OPCML: variants seen among roughly 807,000 people sequenced by gnomAD.
OPCML encodes opioid-binding protein/cell adhesion molecule.
Under a neutral mutation model 37.8 loss-of-function variants are expected in OPCML, and 13 were observed. The observed-to-expected ratio is 0.34, with a 90% confidence interval of 0.22 to 0.55. The LOEUF is 0.55. Among genes scored for constraint, OPCML ranks in the 20% least tolerant of loss-of-function variants. The probability of loss-of-function intolerance (pLI) is 0.91; values close to 1 mark genes in which losing one functional copy is unlikely to be tolerated. For missense variants in OPCML, 341 were observed against 435.6 expected (o/e 0.78, Z 1.93); for synonymous variants, 176 against 168.8 (o/e 1.04, Z -0.33).
intron 1 of OPCML, among the ~76,000 whole-genome samples, chr11:133,531,771 G>A (rs61912412): frequency 7.2e-4 from 107 of 149,072 alleles, no homozygotes; most frequent in African/African-American, 1.3e-3. Context: ...GAGAGAGAGA[G>A]AAAAGAAACA....
At chr11:133,213,243 G>C (rs1459167335) in intron 1 of OPCML, among the ~76,000 whole-genome samples, 1 of 78,196 alleles carries the variant, frequency 1.3e-5, no homozygotes, top group South Asian at 4.1e-4. Flanking sequence ...TTTTTTTTTT[G>C]CCAAATGTTG....
chr11:132,485,505 C>A (rs987076213), intron 4 of OPCML, among the ~76,000 whole-genome samples: 3 of 152,176 alleles, frequency 2.0e-5, no homozygotes, highest in Non-Finnish European at 2.9e-5. Context: ...TCCTTTCTCC[C>A]ACAGAACTCC....
At chr11:132,797,981 G>C (rs928451048) in intron 2 of OPCML, among the ~76,000 whole-genome samples, 6 of 152,186 alleles carry the variant, frequency 3.9e-5, no homozygotes, top group Non-Finnish European at 7.3e-5. Context: ...ATGGGATGCT[G>C]TTTGATAGCA....
Position 133,337,439 on chromosome 11 carries a change from G to T in OPCML, c.61+194825C>A, listed in dbSNP as rs558900755. On this transcript the variant is annotated intron_variant, in intron 1 of 7. Transcript: ENST00000524381. ...AACCACGGACTTCCATGGAAGTCTC[G>T]CAGGATCCGCTGCAGGGCCAGTAAC... Among the ~76,000 whole-genome samples, 3 of 152,280 alleles carry T rather than the reference G, an allele frequency of 2.0e-5. No homozygotes were observed. The East Asian group carries it at 5.8e-4, about 29-fold the overall frequency.
intron 1 of OPCML, among the ~76,000 whole-genome samples, chr11:133,232,789 G>A (rs371927782): frequency 2.0e-5 from 3 of 152,096 alleles, no homozygotes; most frequent in Non-Finnish European, 2.9e-5. Flanking sequence ...GGGGAAAAGC[G>A]ACCCTCACCA....
chr11:132,890,270 C>T (rs1398476397), intron 2 of OPCML, among the ~76,000 whole-genome samples: 1 of 152,184 alleles, frequency 6.6e-6, no homozygotes, highest in East Asian at 1.9e-4. Context: ...TCTTCACTGA[C>T]AATATCTTTC....
intron 1 of OPCML, among the ~76,000 whole-genome samples, chr11:132,986,574 A>T (rs746723860): frequency 6.6e-6 from 1 of 152,222 alleles, no homozygotes; most frequent in Non-Finnish European, 1.5e-5. Context: ...TGACCTACTC[A>T]ATAAACAGTT....
At chr11:133,407,253 G>C (rs1333844519) in intron 1 of OPCML, among the ~76,000 whole-genome samples, 1 of 152,142 alleles carries the variant, frequency 6.6e-6, no homozygotes, top group Non-Finnish European at 1.5e-5. Flanking sequence ...AGAAGACAGA[G>C]TTAGAATTAA....
intron 1 of OPCML, among the ~76,000 whole-genome samples, chr11:132,951,682 C>T (rs1157209903): frequency 6.6e-6 from 1 of 152,194 alleles, no homozygotes; most frequent in African/African-American, 2.4e-5. Context: ...CCCATTGTCA[C>T]AAGTTTCTTC....
intron 2 of OPCML, among the ~76,000 whole-genome samples, chr11:132,791,494 G>C (rs2136179783): frequency 6.6e-6 from 1 of 152,230 alleles, no homozygotes; most frequent in East Asian, 1.9e-4. Context: ...ACTCTGACTG[G>C]ATAGGGGACT....
intron 1 of OPCML, among the ~76,000 whole-genome samples, chr11:133,235,287 G>A (rs1940460992): frequency 6.6e-6 from 1 of 152,150 alleles, no homozygotes; most frequent in Non-Finnish European, 1.5e-5. Flanking sequence ...ACCAACGTGG[G>A]CCAGTTAGTC....
intron 4 of OPCML, among the ~76,000 whole-genome samples, chr11:132,493,088 A>G (rs905258974): frequency 6.6e-6 from 1 of 152,236 alleles, no homozygotes; most frequent in Non-Finnish European, 1.5e-5. Context: ...AGCCATAAAA[A>G]GTAAATATTT....
intron 1 of OPCML, among the ~76,000 whole-genome samples, chr11:133,330,036 A>G (rs1293258647): frequency 2.6e-5 from 4 of 152,252 alleles, no homozygotes; most frequent in African/African-American, 9.6e-5. Context: ...ATATGAACAG[A>G]CACTTCTCAA....
intron 2 of OPCML, among the ~76,000 whole-genome samples, chr11:132,670,082 A>G (rs1043659083): frequency 2.0e-5 from 3 of 152,182 alleles, no homozygotes; most frequent in African/African-American, 4.8e-5. Flanking sequence ...AGTGAGCAAG[A>G]TGAAATTAAA....
At chr11:133,451,613 G>A (rs1179696160) in intron 1 of OPCML, among the ~76,000 whole-genome samples, 2 of 151,428 alleles carry the variant, frequency 1.3e-5, no homozygotes, top group African/African-American at 2.5e-5. Context: ...GAGGCCGAGG[G>A]GAGCAGATCA....
intron 1 of OPCML, among the ~76,000 whole-genome samples, chr11:133,489,981 T>G (rs1336938487): frequency 6.6e-6 from 1 of 152,192 alleles, no homozygotes. Flanking sequence ...AAATGTCTTT[T>G]GCAGCAACAT....
chr11:133,187,362 C>T (rs1471018559), intron 1 of OPCML, among the ~76,000 whole-genome samples: 1 of 151,988 alleles, frequency 6.6e-6, no homozygotes, highest in Non-Finnish European at 1.5e-5. Context: ...GCAGGAATTG[C>T]GTAAAGAACT....
At chr11:132,478,679 GT>G (rs2096166162) in intron 4 of OPCML, among the ~76,000 whole-genome samples, 1 of 152,146 alleles carries the variant, frequency 6.6e-6, no homozygotes, top group African/African-American at 2.4e-5. Context: ...GATAACTGTT[GT>G]CTTTATCATC....
chr11:132,637,711 TTAAG>T lies in OPCML; in HGVS notation c.379+19372_379+19375del, dbSNP rs375111713. Reference sequence around the variant, plus strand: ...TTCCTCCTATTCCCTCAGGCATTAATTAAGTGACTAATATGTTCCAGGCAGGTAT... The same window carrying T: ...TTCCTCCTATTCCCTCAGGCATTAATTGACTAATATGTTCCAGGCAGGTAT... On this transcript the variant is annotated intron_variant, in intron 3 of 7. Transcript: ENST00000524381. Among the ~76,000 whole-genome samples the T allele has an allele frequency of 7.7e-3, 1,177 of 152,280 alleles. 9 individuals are homozygous for T. The highest frequency in any genetic ancestry group is 0.044 in the Middle Eastern group (13 of 294).
Sources: gnomAD v4.1 joint callset for allele counts (sites outside exome capture counted in the v4.1 genomes callset) on GRCh38, gnomAD v4.1.1 for gene constraint, MANE v1.5 for transcripts, NCBI Gene and HGNC (gene_info 2026-07-23, HGNC 2026-07-21) for gene names.